NXPE2: variants seen among roughly 807,000 people sequenced by gnomAD.
NXPE2 encodes neurexophilin and PC-esterase domain family member 2.
In NXPE2, 34 loss-of-function variants were observed where a neutral mutation model predicts 34.4. The ratio of observed to expected loss-of-function variants is 0.99; its 90% CI spans 0.75 to 1.31. The LOEUF (loss-of-function observed/expected upper bound fraction) is 1.31. Ranked by LOEUF, NXPE2 falls within the 40% of genes most tolerant of loss-of-function variation. NXPE2 has a pLI of 0.00. For synonymous variants in NXPE2, 235 were observed against 231.3 expected (o/e 1.02, Z -0.15); for missense variants, 649 against 672.5 (o/e 0.97, Z 0.39).
chr11:114,743,996 T>C, the NXPE2 span, among the ~76,000 whole-genome samples: 2 of 152,084 alleles, frequency 1.3e-5, no homozygotes, highest in African/African-American at 2.4e-5. Context: ...GGTGTGTTTC[T>C]CTATTCTTTC....
the NXPE2 span, among the ~76,000 whole-genome samples, chr11:114,489,607 C>T: frequency 6.6e-6 from 1 of 152,134 alleles, no homozygotes. Flanking sequence ...AGACAAAAAC[C>T]ACATGATTGT....
the NXPE2 span, chr11:114,529,075 G>C: frequency 5.5e-6 from 2 of 365,608 alleles, no homozygotes; most frequent in African/African-American, 4.2e-5. Flanking sequence ...CCTACTCTTA[G>C]CATATTTTTT....
intron 2 of NXPE2, among the ~76,000 whole-genome samples, chr11:114,682,488 G>A (rs1367814152): frequency 1.3e-5 from 2 of 152,174 alleles, no homozygotes; most frequent in Non-Finnish European, 2.9e-5. Flanking sequence ...GCCTGAAGAT[G>A]AGGCTTTAAT....
chr11:114,758,855 AAC>A, the NXPE2 span, among the ~76,000 whole-genome samples: 21 of 148,806 alleles, frequency 1.4e-4, no homozygotes, highest in African/African-American at 5.1e-4. Context: ...ATAAATATAT[AAC>A]ACATTTAATA....
At chr11:114,494,752 C>T in the NXPE2 span, among the ~76,000 whole-genome samples, 19 of 152,096 alleles carry the variant, frequency 1.2e-4, no homozygotes, top group Admixed American at 3.9e-4. Context: ...ATGTTCTTGA[C>T]GCATGTGGAT....
At chr11:114,663,626 TATCTATCTATC>T in the NXPE2 span, among the ~76,000 whole-genome samples, 40 of 55,654 alleles carry the variant, frequency 7.2e-4, no homozygotes, top group East Asian at 0.011. Flanking sequence ...TCTATCTATC[TATCTATCTATC>T]ATCTATCCAT....
chr11:114,679,182 G>A (rs921949261), intron 1 of NXPE2, among the ~76,000 whole-genome samples: 5 of 151,040 alleles, frequency 3.3e-5, no homozygotes, highest in African/African-American at 1.2e-4. Flanking sequence ...TAAATGGGTG[G>A]TTTATAATGA....
chr11:114,513,627 GAGTC>G, the NXPE2 span, among the ~76,000 whole-genome samples: 1 of 152,150 alleles, frequency 6.6e-6, no homozygotes, highest in Admixed American at 6.5e-5. Context: ...TAAATCACAT[GAGTC>G]AGTTGTTCCA....
chr11:114,792,881 C>T, the NXPE2 span, among the ~76,000 whole-genome samples: 1 of 152,266 alleles, frequency 6.6e-6, no homozygotes, highest in African/African-American at 2.4e-5. Context: ...GCTTAGAAAA[C>T]AAAGTCTATG....
chr11:114,553,295 C>T, the NXPE2 span, among the ~76,000 whole-genome samples: 5 of 152,164 alleles, frequency 3.3e-5, no homozygotes, highest in African/African-American at 1.2e-4. Flanking sequence ...GAGATTCCCT[C>T]GGAGAGTCCC....
At chr11:114,762,250 T>C in the NXPE2 span, among the ~76,000 whole-genome samples, 2 of 152,142 alleles carry the variant, frequency 1.3e-5, no homozygotes, top group African/African-American at 4.8e-5. Flanking sequence ...TATGCATGCT[T>C]GTCCCGGGGC....
chr11:114,564,229 G>A, the NXPE2 span, among the ~76,000 whole-genome samples: 1 of 152,232 alleles, frequency 6.6e-6, no homozygotes, highest in Non-Finnish European at 1.5e-5. Context: ...CATATCATAT[G>A]TTCTCACTCA....
chr11:114,601,042 A>G, the NXPE2 span, among the ~76,000 whole-genome samples: 1 of 152,102 alleles, frequency 6.6e-6, no homozygotes, highest in African/African-American at 2.4e-5. Flanking sequence ...TGCCATCTGT[A>G]CAAGTTTTAA....
the NXPE2 span, among the ~76,000 whole-genome samples, chr11:114,800,255 G>C: frequency 6.6e-6 from 1 of 152,142 alleles, no homozygotes; most frequent in Non-Finnish European, 1.5e-5. Flanking sequence ...GGAATAAGGG[G>C]TTAACCAATC....
the NXPE2 span, among the ~76,000 whole-genome samples, chr11:114,647,561 T>C: frequency 1.2e-4 from 19 of 152,204 alleles, 1 homozygote; most frequent in African/African-American, 1.4e-4. Flanking sequence ...TTTGGAAATG[T>C]GTCACTACTA....
the NXPE2 span, among the ~76,000 whole-genome samples, chr11:114,558,945 C>T: frequency 6.6e-6 from 1 of 152,058 alleles, no homozygotes; most frequent in African/African-American, 2.4e-5. Context: ...ATATGTATTA[C>T]TATGAAATGG....
the NXPE2 span, among the ~76,000 whole-genome samples, chr11:114,624,307 A>T: frequency 1.4e-4 from 22 of 152,242 alleles, 1 homozygote; most frequent in Non-Finnish European, 3.1e-4. Context: ...GGTGGATAAT[A>T]AGTGTTGCCT....
At chr11:114,805,251 C>A in the NXPE2 span, among the ~76,000 whole-genome samples, 1 of 151,566 alleles carries the variant, frequency 6.6e-6, no homozygotes, top group Non-Finnish European at 1.5e-5. Context: ...TCTACAGCTC[C>A]CAGCATGAGC....
the NXPE2 span, among the ~76,000 whole-genome samples, chr11:114,796,301 G>A: frequency 6.6e-6 from 1 of 152,112 alleles, no homozygotes; most frequent in Non-Finnish European, 1.5e-5. Flanking sequence ...ATTAATTATT[G>A]TTGCTCTTTA....
Sources: gnomAD v4.1 joint callset for allele counts (sites outside exome capture counted in the v4.1 genomes callset) on GRCh38, gnomAD v4.1.1 for gene constraint, MANE v1.5 for transcripts, NCBI Gene and HGNC (gene_info 2026-07-23, HGNC 2026-07-21) for gene names.